The following NPAS2 variants were observed in gnomAD, a reference collection of about 807,000 sequenced individuals.
NPAS2 encodes the protein neuronal PAS domain-containing protein 2.
NPAS2 carries 23 observed loss-of-function variants against 107.5 expected under a neutral mutation model. That is an observed-to-expected ratio of 0.21 (90% CI 0.15 to 0.30). The LOEUF is 0.30. Among genes scored for constraint, NPAS2 ranks in the 10% least tolerant of loss-of-function variants. NPAS2 has a pLI of 1.00. For synonymous variants in NPAS2, 403 were observed against 417.5 expected (o/e 0.97, Z 0.42); for missense variants, 756 against 1,043.3 (o/e 0.72, Z 3.79).
chr2:100,990,250 C>T lies in NPAS2; in HGVS notation c.1828-6C>T. 1 of 1,613,390 alleles carries T rather than the reference C, an allele frequency of 6.2e-7. No homozygotes were observed. The highest frequency in any genetic ancestry group is 8.5e-7 in the Non-Finnish European group (1 of 1,179,430). ...TCTTACCTTTCTCATTGAAATGATG[C>T]TCCAGGGTCCAAAGCCAATGAGAAG... is the stretch of plus-strand genomic sequence containing the variant. On this transcript the variant is annotated splice_polypyrimidine_tract_variant and splice_region_variant and intron_variant, in intron 17 of 20. Coordinates refer to ENST00000335681, the MANE Select transcript of NPAS2 (RefSeq NM_002518.4).
At chr2:100,984,135 C>T (rs1677638988) in intron 16 of NPAS2, 1 of 152,226 alleles carries the variant, frequency 6.6e-6, no homozygotes, top group Admixed American at 6.5e-5. Flanking sequence ...GGGAATTGCA[C>T]CCTCCGGTGC....
At position 100,990,437 on chromosome 2, in the gene NPAS2, G is replaced by A. The variant is rs150614730; in HGVS notation, c.2009G>A (p.Arg670Gln). The A allele has an allele frequency of 3.4e-5, 55 of 1,614,014 alleles. No individual in the cohort carries two copies. Among genetic ancestry groups the A allele is most frequent in the African/African-American group, 6.7e-5 (5 of 74,910 alleles). Reference protein sequence around the residue: ...CQPSPDFSHDRQLRLLLSQPI... With the variant: ...CQPSPDFSHDQQLRLLLSQPI... ...CCCAGCCCAGACTTCAGCCATGATC[G>A]GCAGCTCAGGTACGAGACTGCCCTT... Residue 670 changes from arginine to glutamine, a missense_variant, in exon 18 of 21, where the codon CGG (arginine) becomes CAG (glutamine). Around this residue, in one of 4 missense-constraint regions of NPAS2, gnomAD observed 496 missense variants for 594.4 expected, o/e 0.83. Transcript: ENST00000335681.
chr2:100,982,159 C>A, intron 15 of NPAS2, 72 bp from the exon 16 acceptor site: 1 of 1,553,662 alleles, frequency 6.4e-7, no homozygotes, highest in Non-Finnish European at 8.8e-7. Flanking sequence ...ACAGACCGAG[C>A]AGCAGCAAGA....
chr2:100,869,162 C>T (rs1485713554), intron 1 of NPAS2, among the ~76,000 whole-genome samples: 1 of 152,048 alleles, frequency 6.6e-6, no homozygotes, highest in Non-Finnish European at 1.5e-5. Context: ...TCTCAAACTC[C>T]TGACCTCAAG....
intron 1 of NPAS2, among the ~76,000 whole-genome samples, chr2:100,895,958 C>T (rs1187263109): frequency 6.6e-6 from 1 of 152,154 alleles, no homozygotes; most frequent in Non-Finnish European, 1.5e-5. Flanking sequence ...AGAATGTGTT[C>T]GTTGAAATTC....
intron 1 of NPAS2, among the ~76,000 whole-genome samples, chr2:100,821,439 A>G (rs1382149602): frequency 2.6e-5 from 4 of 152,086 alleles, no homozygotes; most frequent in African/African-American, 9.7e-5. Context: ...CCCCAACTTC[A>G]TTAAAGTGGT....
chr2:100,993,511 C>G lies in NPAS2; in HGVS notation c.2276C>G (p.Pro759Arg). 1 of 1,578,196 alleles carries G rather than the reference C, an allele frequency of 6.3e-7. No homozygotes were observed. Among genetic ancestry groups the G allele is most frequent in the Non-Finnish European group, 8.6e-7 (1 of 1,161,874 alleles). Residue 759 changes from proline (P) to arginine (R), a missense_variant, in exon 20 of 21, where the codon CCG (proline) becomes CGG (arginine). Around this residue, in one of 4 missense-constraint regions of NPAS2, gnomAD observed 496 missense variants for 594.4 expected, o/e 0.83. Transcript: ENST00000335681. ...CCTGCACAGGCCCGGCAGCAGCCACCGCAGCACTACCTGCAGGTGGGTGCC... is the reference window on the plus strand; with the variant it reads ...CCTGCACAGGCCCGGCAGCAGCCACGGCAGCACTACCTGCAGGTGGGTGCC... ...LQPAQARQQP[P>R]QHYLQVQAPT...
At chr2:100,970,629 A>G (rs1004849913) in intron 11 of NPAS2, 2 of 184,768 alleles carry the variant, frequency 1.1e-5, no homozygotes, top group African/African-American at 4.7e-5. Flanking sequence ...GCAGGTTTTA[A>G]GAAAGCCTTC....
Position 100,907,676 on chromosome 2 carries a change from AT to A in NPAS2, c.32+2892del. Among the ~76,000 whole-genome samples, 3 of 152,274 alleles carry A rather than the reference AT, an allele frequency of 2.0e-5. 1 individual carries two copies. On this transcript the variant is annotated intron_variant, in intron 2 of 20. Coordinates refer to ENST00000335681, the MANE Select transcript of NPAS2 (RefSeq NM_002518.4). ...TGTTTAACTTGAGATCAAAACTCTC[AT>A]TGCCTCCAGAAAACATGCTTTGTGT...
chr2:100,923,668 C>G (rs1157064242), intron 2 of NPAS2, among the ~76,000 whole-genome samples: 1 of 152,102 alleles, frequency 6.6e-6, no homozygotes, highest in African/African-American at 2.4e-5. Flanking sequence ...GGAAAAGCAG[C>G]AATGTTTTAT....
chr2:100,840,045 G>A (rs1422540990), intron 1 of NPAS2, among the ~76,000 whole-genome samples: 2 of 152,170 alleles, frequency 1.3e-5, no homozygotes, highest in African/African-American at 4.8e-5. Flanking sequence ...AACAGCAGAT[G>A]TTAGTGGCAT....
rs186560046 is a variant in NPAS2 at position 100,948,118 on chromosome 2, T to G, written c.364-117T>G. ...GAGAGTGTCCACAGAAAATCAGATA[T>G]TGAACTTTCCATTTCAGAAACCAGT... is the stretch of plus-strand genomic sequence containing the variant. On this transcript the variant is annotated intron_variant, in intron 5 of 20. Coordinates refer to ENST00000335681, the MANE Select transcript of NPAS2 (RefSeq NM_002518.4). The G allele has an allele frequency of 4.0e-3, 4,656 of 1,152,312 alleles. 32 individuals are homozygous for G. The highest frequency in any genetic ancestry group is 3.5e-3 in the Non-Finnish European group (2,782 of 794,938). 71.4% of individuals were successfully genotyped at this position (1,152,312 alleles called of 1,614,324 possible). A position where few individuals can be genotyped will look rare whatever the true frequency, so the allele number is the denominator to read the frequency against.
intron 16 of NPAS2, chr2:100,985,093 T>A (rs1294216232): frequency 6.6e-6 from 1 of 152,244 alleles, no homozygotes; most frequent in African/African-American, 2.4e-5. Context: ...CAATGGCAAA[T>A]GACGTGTTCC....
intron 1 of NPAS2, among the ~76,000 whole-genome samples, chr2:100,851,012 G>A (rs1321836541): frequency 2.1e-5 from 3 of 145,670 alleles, no homozygotes; most frequent in Non-Finnish European, 4.5e-5. Context: ...CTACCACATG[G>A]ATGAATATTG....
chr2:100,862,117 A>G (rs1478628443), intron 1 of NPAS2, among the ~76,000 whole-genome samples: 3 of 152,242 alleles, frequency 2.0e-5, no homozygotes, highest in African/African-American at 7.2e-5. Flanking sequence ...GGAAACTATA[A>G]TCATAGCATT....
At chr2:100,923,426 G>T (rs565732082) in intron 2 of NPAS2, among the ~76,000 whole-genome samples, 1 of 152,296 alleles carries the variant, frequency 6.6e-6, no homozygotes, top group South Asian at 2.1e-4. Context: ...TTAGGCAGGG[G>T]CAAACTGAGT....
At chr2:100,934,967 G>C (rs1684207162) in intron 4 of NPAS2, 1 of 985,362 alleles carries the variant, frequency 1.0e-6, no homozygotes, top group Non-Finnish European at 1.2e-6. Context: ...ATGTCCCTAG[G>C]GAACTGCTAA....
chr2:100,899,551 G>A (rs1327618337), intron 1 of NPAS2, among the ~76,000 whole-genome samples: 1 of 152,176 alleles, frequency 6.6e-6, no homozygotes, highest in African/African-American at 2.4e-5. Context: ...GAAGGTATCA[G>A]TGTTGCGACA....
At chr2:100,861,035 ATT>A (rs3042733) in intron 1 of NPAS2, among the ~76,000 whole-genome samples, 4 of 143,824 alleles carry the variant, frequency 2.8e-5, no homozygotes, top group Non-Finnish European at 3.1e-5. Flanking sequence ...CCCCCAGCTA[ATT>A]TTTTTTTTTT....
Sources: gnomAD v4.1 joint callset for allele counts (sites outside exome capture counted in the v4.1 genomes callset) on GRCh38, gnomAD v4.1.1 for gene constraint, gnomAD v4.1.1 regional missense constraint, MANE v1.5 for transcripts, NCBI Gene and HGNC (gene_info 2026-07-23, HGNC 2026-07-21) for gene names.